Variants in BAIAP2L1 observed in about 807,000 individuals in gnomAD.
BAIAP2L1 encodes BAR/IMD domain-containing adapter protein 2-like 1.
A neutral mutation model predicts 66.3 loss-of-function variants in BAIAP2L1; 35 were observed. The observed-to-expected ratio is 0.53, with a 90% CI of 0.40 to 0.70. BAIAP2L1 has a LOEUF of 0.70. Ranked by LOEUF, BAIAP2L1 falls within the 30% of genes least tolerant of loss-of-function variation. BAIAP2L1 has a pLI of 0.00. For synonymous variants in BAIAP2L1, 269 were observed against 248.7 expected, an observed-to-expected ratio of 1.08 and a Z score of -0.77; for missense variants, 622 against 656.9, an observed-to-expected ratio of 0.95 and a Z score of 0.58.
At chr7:98,355,709 G>A (rs1802104851) in intron 2 of BAIAP2L1, among the ~76,000 whole-genome samples, 1 of 152,082 alleles carries the variant, frequency 6.6e-6, no homozygotes, top group African/African-American at 2.4e-5. Context: ...TACTCTGGGT[G>A]ACACAGCCAG....
intron 1 of BAIAP2L1, among the ~76,000 whole-genome samples, chr7:98,371,088 T>C (rs147235070): frequency 9.4e-4 from 143 of 152,222 alleles, no homozygotes; most frequent in African/African-American, 3.3e-3. Context: ...TCAGGAGTAA[T>C]GAACAAATCC....
At chr7:98,342,445 A>T (rs972514833) in intron 3 of BAIAP2L1, among the ~76,000 whole-genome samples, 6 of 152,200 alleles carry the variant, frequency 3.9e-5, no homozygotes, top group Non-Finnish European at 8.8e-5. Context: ...TGTAGTTTTT[A>T]AAAATTGCAT....
intron 3 of BAIAP2L1, among the ~76,000 whole-genome samples, chr7:98,332,766 G>A (rs1244927567): frequency 2.9e-5 from 4 of 138,212 alleles, no homozygotes; most frequent in African/African-American, 8.3e-5. Flanking sequence ...CCGAGATCAC[G>A]CCGCTGCACT....
intron 6 of BAIAP2L1, 38 bp downstream of exon 6, chr7:98,317,180 CA>C (rs769040820): frequency 2.5e-6 from 4 of 1,582,300 alleles, no homozygotes; most frequent in Non-Finnish European, 3.5e-6. Flanking sequence ...TGCAAATTGT[CA>C]ACAACAAAAG....
At chr7:98,319,134 G>C (rs1801169227) in intron 5 of BAIAP2L1, among the ~76,000 whole-genome samples, 1 of 152,108 alleles carries the variant, frequency 6.6e-6, no homozygotes, top group Non-Finnish European at 1.5e-5. Flanking sequence ...TGATTCCAGG[G>C]CAACTCGCAC....
chr7:98,321,773 G>A (rs561795463), intron 3 of BAIAP2L1, among the ~76,000 whole-genome samples: 3 of 152,212 alleles, frequency 2.0e-5, no homozygotes, highest in South Asian at 2.1e-4. Context: ...ATGTGCCGGC[G>A]GACCATCCTA....
chr7:98,401,056 A>T lies in BAIAP2L1; in HGVS notation c.-204T>A. 4 of 381,312 alleles carry T rather than the reference A, an allele frequency of 1.0e-5. No individual in the cohort carries two copies. The highest frequency in any genetic ancestry group is 2.1e-5 in the African/African-American group (1 of 46,610). 23.6% of individuals were successfully genotyped at this position (381,312 alleles called of 1,614,324 possible). On this transcript the variant is annotated 5_prime_UTR_variant, in exon 1 of 14. Coordinates refer to ENST00000005260, the MANE Select transcript of BAIAP2L1 (RefSeq NM_018842.5). ...GGCAGCGCCGCCCTGGCCTTCTTCG[A>T]GGAGCAGAGGAGAAGCGGCCGGACG...
In BAIAP2L1 at chr7:98,293,164, G is replaced by T. The variant is rs1800041909; in HGVS notation, c.*357C>A. 3.4e-6 allele frequency: 1 copy of T among 293,444 alleles called. No homozygotes were observed. Among genetic ancestry groups the T allele is most frequent in the African/African-American group, 2.2e-5 (1 of 45,924 alleles). The allele number at this position is 293,444 out of a possible 1,614,324, so 18.2% of individuals were successfully genotyped here. Reference sequence around the variant, plus strand: ...AAAACTGGTCTCATTCATATCAGGTGCAGAAAGCCAGTCCTGAAAGCATAG... The same window carrying T: ...AAAACTGGTCTCATTCATATCAGGTTCAGAAAGCCAGTCCTGAAAGCATAG... On this transcript the variant is annotated 3_prime_UTR_variant, in exon 14 of 14. Coordinates refer to ENST00000005260, the MANE Select transcript of BAIAP2L1 (RefSeq NM_018842.5).
intron 11 of BAIAP2L1, 106 bp downstream of exon 11, chr7:98,306,333 T>G: frequency 7.4e-6 from 10 of 1,356,808 alleles, no homozygotes; most frequent in Non-Finnish European, 1.0e-5. Flanking sequence ...CCACGAGAGC[T>G]GAGGCTTAGG....
chr7:98,308,408 T>C (rs1800746133), intron 9 of BAIAP2L1: 1 of 400,800 alleles, frequency 2.5e-6, no homozygotes, highest in Admixed American at 2.8e-5. Context: ...TGAGGATGAG[T>C]TCCATTTACA....
chr7:98,394,275 AAAAC>A (rs1223460097), intron 1 of BAIAP2L1, among the ~76,000 whole-genome samples: 7 of 143,626 alleles, frequency 4.9e-5, no homozygotes, highest in African/African-American at 1.5e-4. Flanking sequence ...ACCCACACAT[AAAAC>A]AAACAAAAAA....
At position 98,304,331 on chromosome 7, in the gene BAIAP2L1, A is replaced by G; in HGVS notation, c.1287T>C (p.Asn429=). Residue 429 remains asparagine (N), a synonymous_variant, in exon 12 of 14, where the codon AAT becomes AAC. Transcript: ENST00000005260. The stretch of plus-strand genomic sequence containing the variant: ...CGGGTGGGGGGATGACAACACTGCT[A>G]TTCTCAGACAAGTTCACGGTGCTGA... ...RSISTVNLSE[N]SSVVIPPPDY... The G allele has an allele frequency of 6.2e-7, 1 of 1,613,732 alleles. No homozygotes were observed. The highest frequency in any genetic ancestry group is 8.5e-7 in the Non-Finnish European group (1 of 1,179,816).
intron 3 of BAIAP2L1, among the ~76,000 whole-genome samples, chr7:98,330,312 G>A (rs2115580750): frequency 6.6e-6 from 1 of 152,304 alleles, no homozygotes; most frequent in East Asian, 1.9e-4. Context: ...TGATGTGTTA[G>A]TCCGTTTTGT....
intron 10 of BAIAP2L1, chr7:98,306,784 A>G (rs1800675141): frequency 1.3e-5 from 6 of 449,062 alleles, no homozygotes; most frequent in South Asian, 1.1e-4. Context: ...CATAGCTCAC[A>G]GCAGCCTCGA....
At chr7:98,374,825 C>G (rs1007796996) in intron 1 of BAIAP2L1, among the ~76,000 whole-genome samples, 7 of 152,262 alleles carry the variant, frequency 4.6e-5, no homozygotes, top group Admixed American at 3.9e-4. Flanking sequence ...GTGGCTAATG[C>G]CTGTAATTCC....
chr7:98,396,675 C>G (rs1311323175), intron 1 of BAIAP2L1, among the ~76,000 whole-genome samples: 3 of 152,142 alleles, frequency 2.0e-5, no homozygotes, highest in Non-Finnish European at 2.9e-5. Context: ...GTAGTCCCAG[C>G]TACTCGGGAG....
chr7:98,317,741 G>A (rs931867574), intron 5 of BAIAP2L1, among the ~76,000 whole-genome samples: 1 of 150,512 alleles, frequency 6.6e-6, no homozygotes, highest in African/African-American at 2.4e-5. Flanking sequence ...CATGTTGGCT[G>A]GGGACGCTCA....
chr7:98,307,793 G>T lies in BAIAP2L1; in HGVS notation c.1059C>A (p.Gly353=), dbSNP rs574975082. The change falls in exon 10 of 14, where the codon GGC becomes GGA. Residue 353 remains glycine, a synonymous_variant. Coordinates refer to ENST00000005260, the MANE Select transcript of BAIAP2L1 (RefSeq NM_018842.5). ...CAAAGCTGAGTAAGGTCTTGTTGGAGCCCGCAGTGTGCGGGAAGATGGTCT... is the reference window on the plus strand; with the variant it reads ...CAAAGCTGAGTAAGGTCTTGTTGGATCCCGCAGTGTGCGGGAAGATGGTCT... The part of the protein sequence containing the change: ...KVKTIFPHTA[G]SNKTLLSFAQ... The T allele has an allele frequency of 2.4e-5, 39 of 1,614,256 alleles. No homozygotes were observed. The African/African-American group carries it at 4.3e-4, about 18-fold the overall frequency.
intron 2 of BAIAP2L1, 25 bp downstream of exon 2, chr7:98,362,331 TA>T: frequency 6.5e-7 from 1 of 1,537,372 alleles, no homozygotes; most frequent in Non-Finnish European, 8.9e-7. Flanking sequence ...GCTTTATATA[TA>T]ATCAATTCAG....
Sources: allele counts gnomAD v4.1 joint callset (sites outside exome capture counted in the v4.1 genomes callset), GRCh38; gene constraint gnomAD v4.1.1; transcripts MANE v1.5; gene names NCBI Gene and HGNC (gene_info 2026-07-23, HGNC 2026-07-21).